SOX5: variants seen among roughly 807,000 people sequenced by gnomAD.
SOX5 encodes the protein transcription factor SOX-5.
In SOX5, 9 loss-of-function variants were observed where a neutral mutation model predicts 92.0. The ratio of observed to expected loss-of-function variants is 0.10; its 90% CI spans 0.06 to 0.17. The LOEUF (loss-of-function observed/expected upper bound fraction) is 0.17, where lower values mean the gene tolerates loss of function less well. Ranked by LOEUF, SOX5 falls within the 10% of genes least tolerant of loss-of-function variation. The pLI, the probability that SOX5 is intolerant of heterozygous loss-of-function variation, is 1.00. For synonymous variants in SOX5, 344 were observed against 336.3 expected, an observed-to-expected ratio of 1.02 and a Z score of -0.25; for missense variants, 642 against 944.5, an observed-to-expected ratio of 0.68 and a Z score of 4.20.
intron 4 of SOX5, among the ~76,000 whole-genome samples, chr12:24,073,878 C>T (rs1355083948): frequency 2.0e-5 from 3 of 152,040 alleles, no homozygotes; most frequent in African/African-American, 7.2e-5. Flanking sequence ...TTATTTATTG[C>T]TTCTTTAATC....
chr12:24,095,250 G>C (rs1018448623), intron 4 of SOX5, among the ~76,000 whole-genome samples: 3 of 151,072 alleles, frequency 2.0e-5, no homozygotes, highest in Non-Finnish European at 3.0e-5. Flanking sequence ...CAAGAGAAAG[G>C]AAAAAGAAGT....
intron 7 of SOX5, among the ~76,000 whole-genome samples, chr12:23,652,996 G>C (rs1027485045): frequency 2.4e-5 from 3 of 124,962 alleles, no homozygotes; most frequent in African/African-American, 9.3e-5. Context: ...ATGGATGAAT[G>C]AATATGGATG....
intron 2 of SOX5, among the ~76,000 whole-genome samples, chr12:24,320,674 G>C (rs764460462): frequency 1.3e-5 from 2 of 151,924 alleles, no homozygotes; most frequent in Admixed American, 1.3e-4. Context: ...GACCATCCTG[G>C]CTAACACAGT....
At chr12:23,844,147 A>G (rs576664948) in intron 3 of SOX5, among the ~76,000 whole-genome samples, 10 of 152,294 alleles carry the variant, frequency 6.6e-5, no homozygotes, top group African/African-American at 2.2e-4. Context: ...TGGCAACACA[A>G]CGTACTGTGG....
At chr12:24,454,423 A>G (rs975354912) in intron 1 of SOX5, among the ~76,000 whole-genome samples, 4 of 152,162 alleles carry the variant, frequency 2.6e-5, no homozygotes, top group African/African-American at 9.7e-5. Context: ...CTTCTTTCTT[A>G]TCTCACTTTT....
At chr12:24,285,664 A>T (rs1945778980) in intron 2 of SOX5, among the ~76,000 whole-genome samples, 1 of 152,198 alleles carries the variant, frequency 6.6e-6, no homozygotes, top group Non-Finnish European at 1.5e-5. Context: ...AACCAAGTTT[A>T]TGTCTTAGAC....
At chr12:24,274,548 G>A (rs1944188937) in intron 3 of SOX5, among the ~76,000 whole-genome samples, 1 of 151,992 alleles carries the variant, frequency 6.6e-6, no homozygotes, top group African/African-American at 2.4e-5. Flanking sequence ...AAAGTAAACA[G>A]GTATAAGTGG....
intron 1 of SOX5, among the ~76,000 whole-genome samples, chr12:23,906,188 A>T (rs1340730026): frequency 1.3e-5 from 2 of 152,238 alleles, no homozygotes; most frequent in Non-Finnish European, 2.9e-5. Context: ...AAACTGAAAA[A>T]TATGTTTAAC....
At chr12:24,336,066 G>C (rs866691551) in intron 2 of SOX5, among the ~76,000 whole-genome samples, 40 of 139,364 alleles carry the variant, frequency 2.9e-4, no homozygotes, top group African/African-American at 9.8e-4. Flanking sequence ...ATAAAATATG[G>C]GGATACGTTT....
intron 1 of SOX5, among the ~76,000 whole-genome samples, chr12:24,516,472 T>C (rs1436758045): frequency 6.6e-6 from 1 of 152,178 alleles, no homozygotes; most frequent in Non-Finnish European, 1.5e-5. Flanking sequence ...AGTCTCCCAA[T>C]AAATATTAGT....
chr12:23,663,183 C>T (rs2083299372), intron 7 of SOX5, among the ~76,000 whole-genome samples: 1 of 152,284 alleles, frequency 6.6e-6, no homozygotes, highest in South Asian at 2.1e-4. Flanking sequence ...CTACTGGCTT[C>T]TGCTTAGTTC....
intron 4 of SOX5, among the ~76,000 whole-genome samples, chr12:23,957,304 A>G (rs73070308): frequency 0.056 from 8,568 of 152,352 alleles, 348 homozygotes; most frequent in Middle Eastern, 0.12. Context: ...GATGTTTTCA[A>G]AACTAATTTT....
At chr12:24,248,749 C>T (rs1331831681) in intron 3 of SOX5, among the ~76,000 whole-genome samples, 1 of 152,046 alleles carries the variant, frequency 6.6e-6, no homozygotes, top group Non-Finnish European at 1.5e-5. Context: ...CATGTTCATC[C>T]TTGGACTGTA....
At chr12:24,353,512 A>G (rs1214481099) in intron 2 of SOX5, among the ~76,000 whole-genome samples, 1 of 152,198 alleles carries the variant, frequency 6.6e-6, no homozygotes, top group Admixed American at 6.5e-5. Context: ...ATGCAAAGTG[A>G]GGGCAGATGG....
chr12:24,490,753 G>A (rs1255901886), intron 1 of SOX5, among the ~76,000 whole-genome samples: 1 of 152,236 alleles, frequency 6.6e-6, no homozygotes, highest in East Asian at 1.9e-4. Flanking sequence ...TCCAAAACCA[G>A]AATGGAGAAA....
At chr12:24,485,093 G>A (rs1946383002) in intron 1 of SOX5, among the ~76,000 whole-genome samples, 1 of 152,138 alleles carries the variant, frequency 6.6e-6, no homozygotes. Context: ...GGTCTGCACA[G>A]AAAAGTGGAG....
At chr12:23,734,591 T>C (rs2093516874) in intron 6 of SOX5, 93 bp downstream of exon 6, 1 of 930,150 alleles carries the variant, frequency 1.1e-6, no homozygotes, top group African/African-American at 1.7e-5. Context: ...AAGTCATTTT[T>C]ATTTTGGAGG....
chr12:24,244,690 T>C (rs1417310440), intron 3 of SOX5, among the ~76,000 whole-genome samples: 3 of 152,062 alleles, frequency 2.0e-5, no homozygotes, highest in Admixed American at 6.5e-5. Context: ...TCGATAAATA[T>C]TAGCTATTAT....
intron 6 of SOX5, among the ~76,000 whole-genome samples, chr12:23,666,628 T>G (rs2083855565): frequency 6.6e-6 from 1 of 152,312 alleles, no homozygotes; most frequent in East Asian, 1.9e-4. Context: ...TCTGACAGTT[T>G]ATTCTCCTCC....
Sources: gnomAD v4.1 joint callset for allele counts (sites outside exome capture counted in the v4.1 genomes callset) on GRCh38, gnomAD v4.1.1 for gene constraint, MANE v1.5 for transcripts, NCBI Gene and HGNC (gene_info 2026-07-23, HGNC 2026-07-21) for gene names.